Variants in TRHR observed in about 807,000 individuals in gnomAD.
TRHR encodes the protein thyrotropin releasing hormone receptor, also known as thyrotropin-releasing hormone receptor.
In TRHR, 14 loss-of-function variants were observed where a neutral mutation model predicts 28.0. The ratio of observed to expected loss-of-function variants is 0.50; its 90% CI spans 0.33 to 0.78. The LOEUF (loss-of-function observed/expected upper bound fraction) is 0.78, where lower values mean the gene tolerates loss of function less well. Ranked by LOEUF, TRHR falls within the 30% of genes least tolerant of loss-of-function variation. The pLI, the probability that TRHR is intolerant of heterozygous loss-of-function variation, is 0.02. For missense variants in TRHR, 438 were observed against 469.5 expected, an observed-to-expected ratio of 0.93 and a Z score of 0.62; for synonymous variants, 176 against 171.9, an observed-to-expected ratio of 1.02 and a Z score of -0.18.
At chr8:109,093,400 CTTTTTTTTTTT>C (rs34645119) in intron 2 of TRHR, among the ~76,000 whole-genome samples, 1 of 77,394 alleles carries the variant, frequency 1.3e-5, no homozygotes, top group Non-Finnish European at 2.3e-5. Context: ...GTGCTATTTA[CTTTTTTTTTTT>C]TTTTTTTTTT....
chr8:109,103,264 C>T (rs1434742403), intron 2 of TRHR, among the ~76,000 whole-genome samples: 1 of 152,076 alleles, frequency 6.6e-6, no homozygotes, highest in Non-Finnish European at 1.5e-5. Context: ...GTTCACAGTC[C>T]ATTTTTTTTC....
intron 2 of TRHR, among the ~76,000 whole-genome samples, chr8:109,114,662 T>G (rs1335636119): frequency 6.6e-6 from 1 of 152,112 alleles, no homozygotes; most frequent in Non-Finnish European, 1.5e-5. Context: ...CACTTCCAGA[T>G]TGTCACACAT....
Position 109,120,700 on chromosome 8 carries a change from T to G in TRHR, c.*1245T>G, listed in dbSNP as rs1242962338. Among the ~76,000 whole-genome samples, 1 of 151,830 alleles carries G rather than the reference T, an allele frequency of 6.6e-6. No individual in the cohort carries two copies. The highest frequency in any genetic ancestry group is 1.9e-4 in the East Asian group (1 of 5,166). ...AGTATGTCATCTTTATATTTATGAC[T>G]GACATCTGCTATTCCAGTGTTTATT... On this transcript the variant is annotated 3_prime_UTR_variant, in exon 3 of 3. Coordinates refer to ENST00000518632, the MANE Select transcript of TRHR (RefSeq NM_003301.7).
At chr8:109,101,395 A>T (rs1811674842) in intron 2 of TRHR, among the ~76,000 whole-genome samples, 1 of 152,060 alleles carries the variant, frequency 6.6e-6, no homozygotes, top group Non-Finnish European at 1.5e-5. Flanking sequence ...TTCCAATTTC[A>T]CCCCTTGGAG....
intron 2 of TRHR, among the ~76,000 whole-genome samples, chr8:109,105,323 G>A (rs1811733352): frequency 6.6e-6 from 1 of 152,102 alleles, no homozygotes; most frequent in African/African-American, 2.4e-5. Context: ...CTTGCCAATG[G>A]TACGAACTCT....
intron 1 of TRHR, 74 bp from the exon 2 acceptor site, chr8:109,087,351 G>C: frequency 3.8e-6 from 3 of 780,192 alleles, no homozygotes; most frequent in Non-Finnish European, 6.4e-6. Context: ...GAGTGGAAGT[G>C]ACGGTTATTT....
At chr8:109,110,677 A>T (rs1202829138) in intron 2 of TRHR, among the ~76,000 whole-genome samples, 1 of 152,166 alleles carries the variant, frequency 6.6e-6, no homozygotes, top group Non-Finnish European at 1.5e-5. Context: ...TGCACAACAC[A>T]GAGTATGTCA....
rs1811462430 is a variant in TRHR at position 109,087,902 on chromosome 8, C to G, written c.390C>G (p.Pro130=). Residue 130 remains proline, a synonymous_variant, in exon 2 of 3, where the codon CCC becomes CCG. Coordinates refer to ENST00000518632, the MANE Select transcript of TRHR (RefSeq NM_003301.7). ...AGAGGTACATAGCAATCTGTCACCC[C>G]ATCAAAGCCCAGTTTCTCTGCACAT... The part of the protein sequence containing the change: ...TIERYIAICH[P]IKAQFLCTFS... 3 of 1,614,054 alleles carry G rather than the reference C, an allele frequency of 1.9e-6. No homozygotes were observed. The highest frequency in any genetic ancestry group is 1.7e-6 in the Non-Finnish European group (2 of 1,180,036).
At chr8:109,098,624 A>G (rs1190887238) in intron 2 of TRHR, among the ~76,000 whole-genome samples, 4 of 152,120 alleles carry the variant, frequency 2.6e-5, no homozygotes, top group Non-Finnish European at 5.9e-5. Context: ...CTCCCTGCTT[A>G]CTTTCCCAAA....
intron 2 of TRHR, among the ~76,000 whole-genome samples, chr8:109,110,085 CT>C (rs1811807824): frequency 6.6e-6 from 1 of 152,196 alleles, no homozygotes; most frequent in African/African-American, 2.4e-5. Flanking sequence ...TGCAGCCCCC[CT>C]GAGATATATA....
intron 2 of TRHR, among the ~76,000 whole-genome samples, chr8:109,090,079 A>G (rs1811498253): frequency 6.6e-6 from 1 of 152,142 alleles, no homozygotes; most frequent in Non-Finnish European, 1.5e-5. Context: ...GCTCCAAACA[A>G]CCTTGGGCTT....
chr8:109,115,894 A>C (rs1272218837), intron 2 of TRHR, among the ~76,000 whole-genome samples: 1 of 152,078 alleles, frequency 6.6e-6, no homozygotes. Flanking sequence ...CAGTTTTCAG[A>C]GGGAATGCTT....
chr8:109,088,386 C>A, intron 2 of TRHR, 85 bp downstream of exon 2: 1 of 1,452,928 alleles, frequency 6.9e-7, no homozygotes, highest in Non-Finnish European at 9.5e-7. Context: ...CCCTGTTTAG[C>A]TGATGGCGAA....
At chr8:109,119,012 T>G (rs746048460) in intron 2 of TRHR, 36 bp from the exon 3 acceptor site, 21 of 1,611,746 alleles carry the variant, frequency 1.3e-5, no homozygotes, top group Admixed American at 1.7e-5. Flanking sequence ...TGTTTTCATT[T>G]GTGTTTGTAC....
At position 109,113,601 on chromosome 8, in the gene TRHR, A is replaced by G. The variant is rs987674441; in HGVS notation, c.790-5447A>G. Among the ~76,000 whole-genome samples, 91 of 152,066 alleles carry G rather than the reference A, an allele frequency of 6.0e-4. 1 individual carries two copies. Among genetic ancestry groups the G allele is most frequent in the Admixed American group, 1.4e-3 (22 of 15,236 alleles). The stretch of plus-strand genomic sequence containing the variant: ...TCTGAATAAAGCATGGAGCTAACTA[A>G]CTCCATATAAAAATTATTGACATGG... On this transcript the variant is annotated intron_variant, in intron 2 of 2. Coordinates refer to ENST00000518632, the MANE Select transcript of TRHR (RefSeq NM_003301.7).
chr8:109,100,435 TG>T (rs1011126102), intron 2 of TRHR, among the ~76,000 whole-genome samples: 75 of 151,548 alleles, frequency 4.9e-4, no homozygotes, highest in African/African-American at 1.8e-3. Flanking sequence ...GAATTAAGCA[TG>T]GTTTTTTTTT....
At chr8:109,118,271 A>G (rs1462924444) in intron 2 of TRHR, among the ~76,000 whole-genome samples, 1 of 151,964 alleles carries the variant, frequency 6.6e-6, no homozygotes, top group Non-Finnish European at 1.5e-5. Context: ...TAAACATGGT[A>G]ACAAATAAAC....
At chr8:109,107,970 G>T (rs561554592) in intron 2 of TRHR, among the ~76,000 whole-genome samples, 1 of 152,202 alleles carries the variant, frequency 6.6e-6, no homozygotes, top group Non-Finnish European at 1.5e-5. Flanking sequence ...AGTGGAAAAG[G>T]TTGAATTCAT....
chr8:109,105,321 T>C (rs533069337), intron 2 of TRHR, among the ~76,000 whole-genome samples: 1 of 152,296 alleles, frequency 6.6e-6, no homozygotes, highest in African/African-American at 2.4e-5. Context: ...CACTTGCCAA[T>C]GGTACGAACT....
Sources: allele counts gnomAD v4.1 joint callset (sites outside exome capture counted in the v4.1 genomes callset), GRCh38; gene constraint gnomAD v4.1.1; transcripts MANE v1.5; gene names NCBI Gene and HGNC (gene_info 2026-07-23, HGNC 2026-07-21).